The following FAM20A variants were observed in gnomAD, a reference collection of about 807,000 sequenced individuals.
FAM20A encodes pseudokinase FAM20A.
Under a neutral mutation model 52.0 loss-of-function variants are expected in FAM20A, and 42 were observed. The ratio of observed to expected loss-of-function variants is 0.81; its 90% CI spans 0.63 to 1.04. The LOEUF is 1.04. Ranked by LOEUF, FAM20A falls within the 50% of genes least tolerant of loss-of-function variation. The pLI is 0.00. For synonymous variants in FAM20A, 304 were observed against 298.9 expected (o/e 1.02, Z -0.18); for missense variants, 742 against 712.7 (o/e 1.04, Z -0.47).
At chr17:68,583,420 C>T (rs948520679) in intron 1 of FAM20A, among the ~76,000 whole-genome samples, 9 of 151,992 alleles carry the variant, frequency 5.9e-5, no homozygotes, top group African/African-American at 2.2e-4. Context: ...ATTGGTGTTC[C>T]TCAACCTGTG....
At chr17:68,541,029 C>G (rs1439671118) in intron 7 of FAM20A, 71 bp from the exon 8 acceptor site, 3 of 1,542,298 alleles carry the variant, frequency 1.9e-6, no homozygotes, top group Non-Finnish European at 2.6e-6. Flanking sequence ...CCCCACACCT[C>G]CCCCTGCCCC....
In FAM20A at chr17:68,600,645, G is replaced by A. The variant is rs2088598288; in HGVS notation, c.22C>T (p.Arg8Cys). 1.3e-6 allele frequency: 2 copies of A among 1,553,340 alleles called. No individual in the cohort carries two copies. The highest frequency in any genetic ancestry group is 1.7e-6 in the Non-Finnish European group (2 of 1,155,806). The change falls in exon 1 of 11, where the codon CGC becomes TGC. Residue 8 changes from arginine (R) to cysteine (C), a missense_variant. By Grantham distance (180) the Arg-to-Cys change is radical (BLOSUM62 -3). Coordinates refer to ENST00000592554, the MANE Select transcript of FAM20A (RefSeq NM_017565.4). This position sits in a 1 kb window ranked among gnomAD's most constrained non-coding sequence, Gnocchi z 6.2. MPGLRRD[R>C]LLTLLLLGAL... The stretch of plus-strand genomic sequence containing the variant: ...CCCAGCAGCAGCAGAGTCAGTAGGC[G>A]GTCCCGGCGCAGCCCCGGCATGGCG...
chr17:68,598,513 T>C (rs914369472), intron 1 of FAM20A, among the ~76,000 whole-genome samples: 4 of 152,202 alleles, frequency 2.6e-5, no homozygotes, highest in African/African-American at 9.6e-5. Flanking sequence ...CACACAAAAC[T>C]ACTCTGTGAT....
chr17:68,537,725 G>C lies in FAM20A; in HGVS notation c.1378C>G (p.Leu460Val). ...TGGGCCAGCAGCTGCAGGTGCAAAA[G>C]TGTTTTCTTTTTTATCCTGAAAAGA... Reference protein sequence around the residue: ...SQCCMIKKKTLLHLQLLAQAD... With the variant: ...SQCCMIKKKTVLHLQLLAQAD... Residue 460 changes from leucine (L) to valine (V), a missense_variant, in exon 11 of 11, where the codon CTT becomes GTT. Transcript: ENST00000592554. This position sits in a 1 kb window ranked among gnomAD's most constrained non-coding sequence, Gnocchi z 4.2. 3 of 1,612,226 alleles carry C rather than the reference G, an allele frequency of 1.9e-6. No homozygotes were observed. Among genetic ancestry groups the C allele is most frequent in the Non-Finnish European group, 2.5e-6 (3 of 1,179,134 alleles).
At chr17:68,581,005 T>G (rs2087928837) in intron 1 of FAM20A, among the ~76,000 whole-genome samples, 1 of 152,146 alleles carries the variant, frequency 6.6e-6, no homozygotes, top group African/African-American at 2.4e-5. Context: ...TTTTTCCCCC[T>G]GATTAGGAAG....
Position 68,600,646 on chromosome 17 carries a change from G to A in FAM20A, c.21C>T (p.Asp7=), listed in dbSNP as rs1163382180. The A allele has an allele frequency of 1.9e-6, 3 of 1,552,958 alleles. No individual in the cohort carries two copies. The highest frequency in any genetic ancestry group is 1.2e-5 in the South Asian group (1 of 85,140). The change falls in exon 1 of 11, where the codon GAC becomes GAT. Residue 7 remains aspartate, a synonymous_variant. Coordinates refer to ENST00000592554, the MANE Select transcript of FAM20A (RefSeq NM_017565.4). The surrounding 1 kb of genome is among the most constrained non-coding windows in gnomAD (Gnocchi z 6.2). ...CCAGCAGCAGCAGAGTCAGTAGGCG[G>A]TCCCGGCGCAGCCCCGGCATGGCGT... MPGLRR[D]RLLTLLLLGA...
intron 1 of FAM20A, among the ~76,000 whole-genome samples, chr17:68,558,742 C>A (rs1398187218): frequency 6.6e-6 from 1 of 151,996 alleles, no homozygotes. Flanking sequence ...CTTCCTCCCT[C>A]CCTCCTTTCT....
intron 1 of FAM20A, among the ~76,000 whole-genome samples, chr17:68,596,753 T>C (rs543673159): frequency 2.6e-5 from 4 of 152,338 alleles, no homozygotes; most frequent in African/African-American, 9.6e-5. Context: ...TCATCATGCT[T>C]GATGGAGCCT....
At chr17:68,571,716 A>G (rs1330329979) in intron 1 of FAM20A, among the ~76,000 whole-genome samples, 1 of 151,976 alleles carries the variant, frequency 6.6e-6, no homozygotes, top group African/African-American at 2.4e-5. Flanking sequence ...TGAATTTGGA[A>G]GAATCCTCCT....
intron 4 of FAM20A, among the ~76,000 whole-genome samples, chr17:68,547,640 C>T (rs1329234003): frequency 6.6e-6 from 1 of 152,248 alleles, no homozygotes; most frequent in Non-Finnish European, 1.5e-5. Context: ...GCAGCTTTCT[C>T]ACCTGTCTCA....
chr17:68,572,292 G>T (rs2087586532), intron 1 of FAM20A, among the ~76,000 whole-genome samples: 1 of 151,924 alleles, frequency 6.6e-6, no homozygotes, highest in African/African-American at 2.4e-5. Context: ...ACCCACAGGG[G>T]AAGTGAGGGG....
chr17:68,584,290 C>G (rs974495221), intron 1 of FAM20A, among the ~76,000 whole-genome samples: 1 of 152,036 alleles, frequency 6.6e-6, no homozygotes, highest in Non-Finnish European at 1.5e-5. Context: ...GTATTCCAGC[C>G]TGGGTGGCAG....
chr17:68,594,407 A>AC (rs1049835361), intron 1 of FAM20A, among the ~76,000 whole-genome samples: 52 of 152,256 alleles, frequency 3.4e-4, no homozygotes, highest in African/African-American at 1.2e-3. Flanking sequence ...TCAAAAAAAA[A>AC]AAAACAAAAC....
intron 9 of FAM20A, among the ~76,000 whole-genome samples, 200 bp from the exon 10 acceptor site, chr17:68,539,596 AT>A (rs1362025680): frequency 6.6e-6 from 1 of 152,238 alleles, no homozygotes; most frequent in African/African-American, 2.4e-5. Context: ...GCAATCCTTC[AT>A]TCATTCACTA....
Position 68,600,077 on chromosome 17 carries a change from A to G in FAM20A, c.404+186T>C, listed in dbSNP as rs1196152039. 1.3e-5 allele frequency among the ~76,000 whole-genome samples: 2 copies of G among 152,156 alleles called. No homozygotes were observed. Among genetic ancestry groups the G allele is most frequent in the Non-Finnish European group, 2.9e-5 (2 of 68,014 alleles). ...TCGTACTATCTGACTCCGGGACTGG[A>G]CTGTGAGGTCTGCAACAGCTGGTGG... On this transcript the variant is annotated intron_variant, in intron 1 of 10. Transcript: ENST00000592554. This position sits in a 1 kb window ranked among gnomAD's most constrained non-coding sequence, Gnocchi z 6.2.
chr17:68,548,932 C>A (rs1034958674), intron 4 of FAM20A, among the ~76,000 whole-genome samples: 1 of 151,614 alleles, frequency 6.6e-6, no homozygotes, highest in Non-Finnish European at 1.5e-5. Context: ...CGGGGTTTCA[C>A]CGTGTTAGCC....
intron 4 of FAM20A, among the ~76,000 whole-genome samples, chr17:68,547,477 C>T (rs1032683869): frequency 2.6e-5 from 4 of 152,188 alleles, no homozygotes; most frequent in African/African-American, 4.8e-5. Flanking sequence ...AGTGTAGCTA[C>T]GTTCATCAAT....
Position 68,581,354 on chromosome 17 carries a change from C to CTTTCTTTCTTTCT in FAM20A, c.404+18896_404+18908dup, listed in dbSNP as rs1555831931. On this transcript the variant is annotated intron_variant, in intron 1 of 10. Coordinates refer to ENST00000592554, the MANE Select transcript of FAM20A (RefSeq NM_017565.4). ...AAGGTATCTCCGAAATGCAGTTTTT[C>CTTTCTTTCTTTCT]TTTCTTTCTTTCTTTCTTTCTTTCT... Among the ~76,000 whole-genome samples, 13 of 85,502 alleles carry CTTTCTTTCTTTCT rather than the reference C, an allele frequency of 1.5e-4. No homozygotes were observed. The East Asian group carries it at 3.4e-3, about 22-fold the overall frequency. The allele number at this position is 85,502 out of a possible 152,430, so 56.1% of individuals were successfully genotyped here.
At chr17:68,573,066 TC>T (rs1374836441) in intron 1 of FAM20A, among the ~76,000 whole-genome samples, 1 of 152,190 alleles carries the variant, frequency 6.6e-6, no homozygotes, top group Non-Finnish European at 1.5e-5. Context: ...AGCTCATGAA[TC>T]AAAGCTTGAT....
Sources: allele counts gnomAD v4.1 joint callset (sites outside exome capture counted in the v4.1 genomes callset), GRCh38; gene constraint gnomAD v4.1.1; non-coding constraint Gnocchi (gnomAD v3.1); transcripts MANE v1.5; gene names NCBI Gene and HGNC (gene_info 2026-07-23, HGNC 2026-07-21).